SPECC1L: variants seen among roughly 807,000 people sequenced by gnomAD.
SPECC1L encodes the protein sperm antigen with calponin homology and coiled-coil domains 1 like.
SPECC1L carries 40 observed loss-of-function variants against 116.8 expected under a neutral mutation model. The ratio of observed to expected loss-of-function variants is 0.34; its 90% confidence interval spans 0.27 to 0.45. The LOEUF (loss-of-function observed/expected upper bound fraction) is 0.45. Ranked by LOEUF, SPECC1L falls within the 20% of genes least tolerant of loss-of-function variation. The pLI is 1.00. For synonymous variants in SPECC1L, 504 were observed against 500.6 expected (o/e 1.01, Z -0.09); for missense variants, 1,110 against 1,373.6 (o/e 0.81, Z 3.03).
intron 6 of SPECC1L, among the ~76,000 whole-genome samples, chr22:24,328,393 A>G (rs1297247108): frequency 6.6e-6 from 1 of 152,172 alleles, no homozygotes; most frequent in Non-Finnish European, 1.5e-5. Flanking sequence ...TACCCTGAGT[A>G]TTATATTTTT....
intron 4 of SPECC1L, among the ~76,000 whole-genome samples, chr22:24,318,917 C>CAA (rs937053229): frequency 1.6e-4 from 20 of 126,516 alleles, no homozygotes; most frequent in South Asian, 5.1e-4. Flanking sequence ...GACAGAGCCT[C>CAA]AAAAAAAAAA....
intron 1 of SPECC1L, among the ~76,000 whole-genome samples, chr22:24,272,269 G>A (rs769493041): frequency 2.0e-5 from 3 of 152,106 alleles, no homozygotes; most frequent in Non-Finnish European, 4.4e-5. Context: ...GGAGGGTGAG[G>A]CAGGAGAATC....
chr22:24,401,738 A>G (rs1440604478), intron 14 of SPECC1L, among the ~76,000 whole-genome samples: 1 of 152,130 alleles, frequency 6.6e-6, no homozygotes, highest in African/African-American at 2.4e-5. Flanking sequence ...ACCTAACTTC[A>G]GTTTTTCAAA....
At chr22:24,272,657 ACTCTGTCTC>A in intron 1 of SPECC1L, among the ~76,000 whole-genome samples, 1 of 147,012 alleles carries the variant, frequency 6.8e-6, no homozygotes. Flanking sequence ...ACAGAGTGAG[ACTCTGTCTC>A]AAAAAAAAAA....
chr22:24,296,043 G>T (rs189895765), intron 2 of SPECC1L, among the ~76,000 whole-genome samples: 7 of 152,146 alleles, frequency 4.6e-5, no homozygotes, highest in Non-Finnish European at 1.5e-5. Context: ...GTGTTGTCAC[G>T]GTTTGTTTAT....
intron 10 of SPECC1L, among the ~76,000 whole-genome samples, chr22:24,346,014 T>G (rs922947045): frequency 1.4e-5 from 2 of 138,528 alleles, no homozygotes; most frequent in South Asian, 2.7e-4. Context: ...TTTTTTTGTT[T>G]TTTTTTTTTT....
intron 11 of SPECC1L, among the ~76,000 whole-genome samples, chr22:24,359,361 T>G (rs1234641626): frequency 6.6e-6 from 1 of 152,194 alleles, no homozygotes; most frequent in Non-Finnish European, 1.5e-5. Flanking sequence ...TTCTGCACTC[T>G]CTCTCTCATT....
At chr22:24,326,801 T>TG (rs1486576300) in intron 6 of SPECC1L, among the ~76,000 whole-genome samples, 2 of 152,192 alleles carry the variant, frequency 1.3e-5, no homozygotes, top group Non-Finnish European at 2.9e-5. Flanking sequence ...GGGCAGTGAA[T>TG]GAGAGCAAGT....
intron 4 of SPECC1L, among the ~76,000 whole-genome samples, chr22:24,314,681 T>C (rs2040526710): frequency 6.6e-6 from 1 of 152,240 alleles, no homozygotes; most frequent in African/African-American, 2.4e-5. Flanking sequence ...CCATGATGTT[T>C]TTGCCCATCA....
At chr22:24,337,982 CT>C (rs1280322562) in intron 9 of SPECC1L, among the ~76,000 whole-genome samples, 2 of 152,102 alleles carry the variant, frequency 1.3e-5, no homozygotes, top group Admixed American at 6.5e-5. Context: ...GTTCCTCATT[CT>C]TTTGTTTAAT....
Position 24,322,069 on chromosome 22 carries a change from G to A in SPECC1L, c.1089G>A (p.Leu363=), listed in dbSNP as rs202073031. The A allele has an allele frequency of 5.0e-6, 8 of 1,614,002 alleles. No individual in the cohort carries two copies. Among genetic ancestry groups the A allele is most frequent in the Non-Finnish European group, 5.9e-6 (7 of 1,179,994 alleles). ...CCCTCACATCGAGCGATGATGCGCTGGATGCACCATCCTCCTCAGAGTCGG... is the reference window on the plus strand; with the variant it reads ...CCCTCACATCGAGCGATGATGCGCTAGATGCACCATCCTCCTCAGAGTCGG... The part of the protein sequence containing the change: ...YQPLTSSDDA[L]DAPSSSESEG... Residue 363 remains leucine (L), a synonymous_variant, in exon 5 of 17, where the codon CTG becomes CTA. Coordinates refer to ENST00000314328, the MANE Select transcript of SPECC1L (RefSeq NM_015330.6).
intron 14 of SPECC1L, among the ~76,000 whole-genome samples, chr22:24,407,411 G>T (rs2042612842): frequency 6.6e-6 from 1 of 152,176 alleles, no homozygotes; most frequent in South Asian, 2.1e-4. Context: ...AGCGGAGGGG[G>T]AAGGCTGGGG....
chr22:24,358,900 T>C (rs1240082613), intron 11 of SPECC1L, among the ~76,000 whole-genome samples: 1 of 152,218 alleles, frequency 6.6e-6, no homozygotes, highest in Non-Finnish European at 1.5e-5. Flanking sequence ...ATGTTATGTA[T>C]CTGTCTGAAG....
chr22:24,337,542 A>C (rs1158296813), intron 9 of SPECC1L, among the ~76,000 whole-genome samples: 1 of 152,232 alleles, frequency 6.6e-6, no homozygotes, highest in African/African-American at 2.4e-5. Context: ...TAAATGCCAC[A>C]GAACTGCACA....
At chr22:24,338,799 T>C (rs138039143) in intron 10 of SPECC1L, among the ~76,000 whole-genome samples, 37 of 152,340 alleles carry the variant, frequency 2.4e-4, no homozygotes, top group Non-Finnish European at 4.0e-4. Flanking sequence ...ACTGTTCTTA[T>C]CTGTATTTTT....
intron 4 of SPECC1L, among the ~76,000 whole-genome samples, chr22:24,318,753 AC>A (rs1361411326): frequency 6.6e-6 from 1 of 151,968 alleles, no homozygotes; most frequent in Non-Finnish European, 1.5e-5. Flanking sequence ...ATGTGGTGAA[AC>A]CCCGTCTCTA....
Position 24,321,979 on chromosome 22 carries a change from A to G in SPECC1L, c.999A>G (p.Leu333=), listed in dbSNP as rs1388642718. 3 of 1,614,164 alleles carry G rather than the reference A, an allele frequency of 1.9e-6. No homozygotes were observed. Among genetic ancestry groups the G allele is most frequent in the South Asian group, 1.1e-5 (1 of 91,084 alleles). Residue 333 remains leucine, a synonymous_variant, in exon 5 of 17, where the codon CTA becomes CTG. Coordinates refer to ENST00000314328, the MANE Select transcript of SPECC1L (RefSeq NM_015330.6). Reference sequence around the variant, plus strand: ...TCTTGAGTCAGGATGAAAATACACTAATGGACCATCAGCACAGTAACTCCA... The same window carrying G: ...TCTTGAGTCAGGATGAAAATACACTGATGGACCATCAGCACAGTAACTCCA... ...EDLLSQDENT[L]MDHQHSNSMD...
intron 14 of SPECC1L, among the ~76,000 whole-genome samples, chr22:24,391,849 A>G (rs1395953483): frequency 1.3e-5 from 2 of 152,180 alleles, no homozygotes; most frequent in Non-Finnish European, 2.9e-5. Context: ...TTTAACTTCC[A>G]CTAATGACAT....
At position 24,313,742 on chromosome 22, in the gene SPECC1L, C is replaced by CTTT. The variant is rs1350275306; in HGVS notation, c.307+292_307+294dup. 6.2e-3 allele frequency among the ~76,000 whole-genome samples: 802 copies of CTTT among 129,946 alleles called. 11 individuals are homozygous for CTTT. The highest frequency in any genetic ancestry group is 0.021 in the African/African-American group (747 of 35,076). 85.2% of individuals were successfully genotyped at this position (129,946 alleles called of 152,430 possible). ...TTATTATCTTGGAAAGAGAAGGATT[C>CTTT]TTTTTTTTTTTTTTTTTTGAGACAG... On this transcript the variant is annotated intron_variant, in intron 4 of 16. Transcript: ENST00000314328.
Sources: allele counts gnomAD v4.1 joint callset (sites outside exome capture counted in the v4.1 genomes callset), GRCh38; gene constraint gnomAD v4.1.1; transcripts MANE v1.5; gene names NCBI Gene and HGNC (gene_info 2026-07-23, HGNC 2026-07-21).